Variants in BMPR2 observed in about 807,000 individuals in gnomAD.
BMPR2 encodes bone morphogenetic protein receptor type-2.
In BMPR2, 29 loss-of-function variants were observed where a neutral mutation model predicts 100.8. The observed-to-expected ratio is 0.29, with a 90% CI of 0.21 to 0.39. BMPR2 has a LOEUF of 0.39. Among genes scored for constraint, BMPR2 ranks in the 10% least tolerant of loss-of-function variants. The pLI is 1.00. For missense variants in BMPR2, 1,011 were observed against 1,274.5 expected (o/e 0.79, Z 3.15); for synonymous variants, 382 against 442.3 (o/e 0.86, Z 1.71).
intron 1 of BMPR2, among the ~76,000 whole-genome samples, chr2:202,419,040 C>G (rs569306294): frequency 4.6e-5 from 7 of 152,052 alleles, no homozygotes; most frequent in Admixed American, 2.6e-4. Context: ...TAAATAAAAC[C>G]CCTCTGATGA....
chr2:202,482,563 G>T (rs1391988522), intron 3 of BMPR2, among the ~76,000 whole-genome samples: 1 of 150,252 alleles, frequency 6.7e-6, no homozygotes, highest in Non-Finnish European at 1.5e-5. Flanking sequence ...TTTTGAGACG[G>T]AGTCTCACTG....
At chr2:202,463,168 G>A (rs1692254403) in intron 1 of BMPR2, among the ~76,000 whole-genome samples, 1 of 152,086 alleles carries the variant, frequency 6.6e-6, no homozygotes, top group South Asian at 2.1e-4. Flanking sequence ...AGTTTGAAAG[G>A]ATGCCTGAGT....
rs1688741837 is a variant in BMPR2 at position 202,565,237 on chromosome 2, TTA to T, written c.*5292_*5293del. On this transcript the variant is annotated 3_prime_UTR_variant, in exon 13 of 13. Transcript: ENST00000374580. ...CAGTTGGTCATCATCCCCAATATTC[TTA>T]GTCTTCAGTATGCTTCAGGCCTCTC... 6.6e-6 allele frequency: 1 copy of T among 152,312 alleles called. No homozygotes were observed. Among genetic ancestry groups the T allele is most frequent in the African/African-American group, 2.4e-5 (1 of 41,584 alleles). 9.4% of individuals were successfully genotyped at this position (152,312 alleles called of 1,614,324 possible).
chr2:202,529,233 T>G (rs915294150), intron 7 of BMPR2, among the ~76,000 whole-genome samples: 2 of 152,228 alleles, frequency 1.3e-5, no homozygotes, highest in African/African-American at 4.8e-5. Flanking sequence ...TTGACTATTT[T>G]TGGTCAGGTT....
At chr2:202,450,361 A>C (rs1691952138) in intron 1 of BMPR2, among the ~76,000 whole-genome samples, 1 of 152,174 alleles carries the variant, frequency 6.6e-6, no homozygotes, top group Non-Finnish European at 1.5e-5. Context: ...TAAGGGATGA[A>C]TATTTTATTT....
chr2:202,507,478 C>T (rs1476457084), intron 3 of BMPR2, among the ~76,000 whole-genome samples: 2 of 152,214 alleles, frequency 1.3e-5, no homozygotes, highest in Non-Finnish European at 2.9e-5. Context: ...CATCCTCGAA[C>T]TGCTGGGCAT....
intron 1 of BMPR2, among the ~76,000 whole-genome samples, chr2:202,401,241 TAA>T (rs1443496167): frequency 6.6e-6 from 1 of 152,148 alleles, no homozygotes; most frequent in East Asian, 1.9e-4. Flanking sequence ...CCCTTTTATA[TAA>T]GAGTAAAATT....
At chr2:202,547,804 C>A (rs934510798) in intron 10 of BMPR2, among the ~76,000 whole-genome samples, 1 of 146,626 alleles carries the variant, frequency 6.8e-6, no homozygotes, top group Non-Finnish European at 1.5e-5. Flanking sequence ...AAAAAAAAGG[C>A]CAGGCACGGC....
chr2:202,459,402 A>T (rs1218455661), intron 1 of BMPR2, among the ~76,000 whole-genome samples: 1 of 152,168 alleles, frequency 6.6e-6, no homozygotes, highest in East Asian at 1.9e-4. Context: ...AACTTGTGTC[A>T]TGGGGGTTTG....
intron 1 of BMPR2, among the ~76,000 whole-genome samples, chr2:202,406,798 G>A (rs1038408759): frequency 6.6e-6 from 1 of 152,208 alleles, no homozygotes; most frequent in African/African-American, 2.4e-5. Flanking sequence ...TGCCCTGGCT[G>A]CTATGCAAGG....
chr2:202,435,382 T>C (rs1424275298), intron 1 of BMPR2, among the ~76,000 whole-genome samples: 10 of 129,616 alleles, frequency 7.7e-5, no homozygotes, highest in South Asian at 2.3e-4. Flanking sequence ...AATACATATA[T>C]ATATATATAT....
In BMPR2 at chr2:202,435,909, A is replaced by C. The variant is rs778428785; in HGVS notation, c.77-28900A>C. On this transcript the variant is annotated intron_variant, in intron 1 of 12. Coordinates refer to ENST00000374580, the MANE Select transcript of BMPR2 (RefSeq NM_001204.7). ...ATGTCATCCAGGTTTCTCTAAGTAC[A>C]CTCTATGATATTCATACGATGAAGT... Among the ~76,000 whole-genome samples the C allele has an allele frequency of 4.0e-5, 6 of 150,354 alleles. 1 individual carries two copies. Among genetic ancestry groups the C allele is most frequent in the Non-Finnish European group, 5.9e-5 (4 of 68,016 alleles).
intron 3 of BMPR2, among the ~76,000 whole-genome samples, chr2:202,471,018 C>T (rs1692427018): frequency 6.6e-6 from 1 of 152,142 alleles, no homozygotes; most frequent in African/African-American, 2.4e-5. Context: ...GTGATCAGGC[C>T]CCTGTACTCC....
At chr2:202,407,353 G>A (rs556891591) in intron 1 of BMPR2, among the ~76,000 whole-genome samples, 5 of 152,110 alleles carry the variant, frequency 3.3e-5, no homozygotes, top group African/African-American at 1.2e-4. Context: ...AAAGTGCTGG[G>A]ATTACAAGTG....
At chr2:202,533,528 A>C (rs1688066772) in intron 9 of BMPR2, among the ~76,000 whole-genome samples, 1 of 151,698 alleles carries the variant, frequency 6.6e-6, no homozygotes, top group African/African-American at 2.4e-5. Context: ...ACTCTGTCTC[A>C]AAAAAATAAA....
At chr2:202,400,926 T>C (rs1321769054) in intron 1 of BMPR2, among the ~76,000 whole-genome samples, 1 of 152,206 alleles carries the variant, frequency 6.6e-6, no homozygotes, top group Non-Finnish European at 1.5e-5. Flanking sequence ...TTCCGAACTC[T>C]CCTAAATTAT....
intron 11 of BMPR2, among the ~76,000 whole-genome samples, chr2:202,553,813 C>T (rs1291139038): frequency 3.3e-5 from 5 of 152,044 alleles, no homozygotes; most frequent in South Asian, 2.1e-4. Flanking sequence ...CTCGGCCTCC[C>T]GAGTAGCTGA....
intron 3 of BMPR2, among the ~76,000 whole-genome samples, chr2:202,492,362 A>G (rs949507524): frequency 1.3e-5 from 2 of 152,056 alleles, no homozygotes; most frequent in Non-Finnish European, 2.9e-5. Flanking sequence ...ACGAAAATGT[A>G]TATAATTTTG....
At chr2:202,379,460 T>C (rs1001115324) in intron 1 of BMPR2, among the ~76,000 whole-genome samples, 1 of 152,220 alleles carries the variant, frequency 6.6e-6, no homozygotes, top group South Asian at 2.1e-4. Context: ...TCTCATCTTA[T>C]TGGATATATG....
Sources: gnomAD v4.1 joint callset for allele counts (sites outside exome capture counted in the v4.1 genomes callset) on GRCh38, gnomAD v4.1.1 for gene constraint, MANE v1.5 for transcripts, NCBI Gene and HGNC (gene_info 2026-07-23, HGNC 2026-07-21) for gene names.